The following UST variants were observed in gnomAD, a reference collection of about 807,000 sequenced individuals.
UST encodes the protein uronyl 2-sulfotransferase.
In UST, 21 loss-of-function variants were observed where a neutral mutation model predicts 45.6. The ratio of observed to expected loss-of-function variants is 0.46; its 90% confidence interval spans 0.33 to 0.66. UST has a LOEUF of 0.66. UST is among the 30% of genes least tolerant of loss of function. The pLI, the probability that UST is intolerant of heterozygous loss-of-function variation, is 0.02. For missense variants in UST, 463 were observed against 512.4 expected, an observed-to-expected ratio of 0.90 and a Z score of 0.93; for synonymous variants, 215 against 200.6, an observed-to-expected ratio of 1.07 and a Z score of -0.61.
intron 3 of UST, among the ~76,000 whole-genome samples, 193 bp from the exon 4 acceptor site, chr6:148,953,678 AG>A (rs2114939676): frequency 6.6e-6 from 1 of 151,364 alleles, no homozygotes; most frequent in Non-Finnish European, 1.5e-5. Flanking sequence ...AGGCTGAGGC[AG>A]GAGAATGGCG....
chr6:148,930,262 G>A (rs1050069337), intron 2 of UST, among the ~76,000 whole-genome samples: 2 of 152,206 alleles, frequency 1.3e-5, no homozygotes, highest in African/African-American at 4.8e-5. Context: ...TACAGGGCAA[G>A]AGACTTGTTG....
At chr6:148,843,536 A>G (rs1777926226) in intron 1 of UST, among the ~76,000 whole-genome samples, 1 of 152,204 alleles carries the variant, frequency 6.6e-6, no homozygotes, top group Non-Finnish European at 1.5e-5. Context: ...CTGGTAGAAA[A>G]TACACAAGTT....
At chr6:149,041,955 T>C (rs1036305021) in intron 7 of UST, among the ~76,000 whole-genome samples, 3 of 152,236 alleles carry the variant, frequency 2.0e-5, no homozygotes, top group Non-Finnish European at 2.9e-5. Context: ...AATTTGTCCT[T>C]CCCAGGGGAA....
At chr6:148,808,754 G>T (rs368804594) in intron 1 of UST, among the ~76,000 whole-genome samples, 9 of 152,284 alleles carry the variant, frequency 5.9e-5, no homozygotes, top group African/African-American at 1.9e-4. Context: ...CCTTTGGGAG[G>T]TGATTAGGTT....
chr6:148,789,365 C>T (rs1194953456), intron 1 of UST, among the ~76,000 whole-genome samples: 1 of 151,364 alleles, frequency 6.6e-6, no homozygotes, highest in African/African-American at 2.4e-5. Context: ...AAGCTGCATC[C>T]AATGGAAGCA....
intron 5 of UST, among the ~76,000 whole-genome samples, chr6:148,987,326 C>T (rs768725167): frequency 3.9e-5 from 6 of 152,150 alleles, no homozygotes; most frequent in South Asian, 2.1e-4. Flanking sequence ...TCTCTCACTG[C>T]GTCTTGGGGC....
intron 1 of UST, among the ~76,000 whole-genome samples, chr6:148,879,066 A>C (rs1237125120): frequency 6.6e-6 from 1 of 152,088 alleles, no homozygotes; most frequent in Non-Finnish European, 1.5e-5. Flanking sequence ...TCTTGAAAAG[A>C]TCTTTAGGGC....
At chr6:148,962,844 GAAC>G (rs751584383) in intron 4 of UST, among the ~76,000 whole-genome samples, 3 of 152,106 alleles carry the variant, frequency 2.0e-5, no homozygotes, top group South Asian at 2.1e-4. Context: ...GATAAACCAG[GAAC>G]AACATTATAT....
intron 2 of UST, among the ~76,000 whole-genome samples, chr6:148,927,627 G>T (rs370511455): frequency 2.0e-5 from 3 of 152,048 alleles, no homozygotes; most frequent in African/African-American, 7.2e-5. Context: ...GAGATATTGC[G>T]TGAAAGGCAC....
chr6:148,826,337 T>A (rs1017393212), intron 1 of UST, among the ~76,000 whole-genome samples: 5 of 152,214 alleles, frequency 3.3e-5, no homozygotes, highest in African/African-American at 4.8e-5. Context: ...GGTCTTGAAC[T>A]CCTGACCTCA....
At chr6:148,782,373 A>T (rs1582808599) in intron 1 of UST, among the ~76,000 whole-genome samples, 1 of 152,208 alleles carries the variant, frequency 6.6e-6, no homozygotes, top group East Asian at 1.9e-4. Flanking sequence ...GAGAACTAAA[A>T]TTAGAAGTGG....
rs770638985 is a variant in UST at position 148,841,581 on chromosome 6, G to GTTTTTTTTTTTTTTTT, written c.248-45400_248-45399insTTTTTTTTTTTTTTTT. Among the ~76,000 whole-genome samples the GTTTTTTTTTTTTTTTT allele has an allele frequency of 3.6e-5, 4 of 111,290 alleles. 1 individual carries two copies. The highest frequency in any genetic ancestry group is 7.5e-5 in the Non-Finnish European group (4 of 53,568). The allele number at this position is 111,290 out of a possible 152,430, so 73.0% of individuals were successfully genotyped here. On this transcript the variant is annotated intron_variant, in intron 1 of 7. Coordinates refer to ENST00000367463, the MANE Select transcript of UST (RefSeq NM_005715.3). ...TAATTTGCCCAAGGGGGTCTGTTTT[G>GTTTTTTTTTTTTTTTT]TTTTTGTTTTTTTTTTCTGTCATGT...
intron 7 of UST, among the ~76,000 whole-genome samples, chr6:149,029,502 A>G (rs1776108612): frequency 6.8e-6 from 1 of 146,978 alleles, no homozygotes; most frequent in Non-Finnish European, 1.5e-5. Flanking sequence ...TAATGTATAT[A>G]TTATATAGAT....
intron 1 of UST, among the ~76,000 whole-genome samples, chr6:148,804,028 G>A: frequency 6.6e-6 from 1 of 152,176 alleles, no homozygotes; most frequent in Non-Finnish European, 1.5e-5. Flanking sequence ...GTATCCTCAA[G>A]GCCTACAATG....
At chr6:148,851,567 G>T (rs1352021407) in intron 1 of UST, among the ~76,000 whole-genome samples, 1 of 152,172 alleles carries the variant, frequency 6.6e-6, no homozygotes, top group Non-Finnish European at 1.5e-5. Flanking sequence ...AACTGTTTGA[G>T]AATTTAACTA....
chr6:148,818,093 C>T (rs989440839), intron 1 of UST, among the ~76,000 whole-genome samples: 1 of 152,138 alleles, frequency 6.6e-6, no homozygotes, highest in African/African-American at 2.4e-5. Flanking sequence ...CAAATAAGAC[C>T]TTCACCAGGA....
At chr6:148,990,885 G>A (rs1203619093) in intron 5 of UST, among the ~76,000 whole-genome samples, 1 of 152,134 alleles carries the variant, frequency 6.6e-6, no homozygotes, top group Non-Finnish European at 1.5e-5. Flanking sequence ...GTAAGACTTG[G>A]AAGCTGATCG....
intron 7 of UST, among the ~76,000 whole-genome samples, chr6:149,069,196 C>T (rs186765417): frequency 7.1e-4 from 108 of 152,280 alleles, no homozygotes; most frequent in African/African-American, 2.4e-3. Context: ...ACAGTAAACA[C>T]GTGAGCATGC....
intron 2 of UST, among the ~76,000 whole-genome samples, chr6:148,935,848 G>GGA (rs879382787): frequency 3.9e-5 from 6 of 152,204 alleles, no homozygotes; most frequent in Non-Finnish European, 7.3e-5. Flanking sequence ...TCCTTAGGAA[G>GGA]GAGAGAGAGG....
Sources: allele counts gnomAD v4.1 joint callset (sites outside exome capture counted in the v4.1 genomes callset), GRCh38; gene constraint gnomAD v4.1.1; transcripts MANE v1.5; gene names NCBI Gene and HGNC (gene_info 2026-07-23, HGNC 2026-07-21).